GMDS: variants seen among roughly 807,000 people sequenced by gnomAD.
GMDS encodes the protein GDP-mannose 4,6-dehydratase.
Under a neutral mutation model 49.9 loss-of-function variants are expected in GMDS, and 20 were observed. The observed-to-expected ratio is 0.40, with a 90% CI of 0.28 to 0.58. The LOEUF is 0.58. GMDS is among the 20% of genes least tolerant of loss of function. The pLI is 0.42. For synonymous variants in GMDS, 177 were observed against 178.6 expected (o/e 0.99, Z 0.07); for missense variants, 362 against 481.4 (o/e 0.75, Z 2.32).
At chr6:1,666,859 C>T (rs1363917523) in intron 9 of GMDS, among the ~76,000 whole-genome samples, 1 of 152,246 alleles carries the variant, frequency 6.6e-6, no homozygotes, top group Non-Finnish European at 1.5e-5. Flanking sequence ...CTGAACTCAG[C>T]TTGGCACTGG....
Position 1,913,395 on chromosome 6 carries a change from A to C in GMDS, c.771+16708T>G, listed in dbSNP as rs1222405173. The stretch of plus-strand genomic sequence containing the variant: ...GACTCCGTCTCAAACAAACAAAAAA[A>C]AAAAAAAAAAAAAAGAAAGTTTGCA... On this transcript the variant is annotated intron_variant, in intron 7 of 10. Transcript: ENST00000380815. Among the ~76,000 whole-genome samples the C allele has an allele frequency of 1.4e-4, 21 of 151,302 alleles. 1 individual carries two copies. In the South Asian group the frequency reaches 4.4e-3, roughly 32 times the overall value.
chr6:1,880,284 C>CAAAAAAAAAAA (rs34490393), intron 7 of GMDS, among the ~76,000 whole-genome samples: 1 of 59,112 alleles, frequency 1.7e-5, no homozygotes, highest in African/African-American at 7.2e-5. Flanking sequence ...CTCATTTCCA[C>CAAAAAAAAAAA]AAAAAAAAAA....
intron 4 of GMDS, among the ~76,000 whole-genome samples, chr6:1,969,125 G>A (rs928247480): frequency 1.3e-5 from 2 of 151,574 alleles, no homozygotes; most frequent in Admixed American, 1.3e-4. Flanking sequence ...AGCTGGGCAT[G>A]GTGGCAGGTG....
chr6:2,147,676 T>C (rs973282711), intron 1 of GMDS, among the ~76,000 whole-genome samples: 1 of 151,608 alleles, frequency 6.6e-6, no homozygotes, highest in Non-Finnish European at 1.5e-5. Context: ...ATCCATCAAG[T>C]GAGAAGAGCA....
At chr6:1,644,527 T>C (rs1763430073) in intron 9 of GMDS, among the ~76,000 whole-genome samples, 1 of 152,226 alleles carries the variant, frequency 6.6e-6, no homozygotes, top group African/African-American at 2.4e-5. Flanking sequence ...GTTCCCCAGC[T>C]GAAATTCTCT....
chr6:1,665,375 A>G lies in GMDS; in HGVS notation c.988-40835T>C, dbSNP rs556787276. On this transcript the variant is annotated intron_variant, in intron 9 of 10. Coordinates refer to ENST00000380815, the MANE Select transcript of GMDS (RefSeq NM_001500.4). ...AATCAAAAGTGACAATGAAATATAA[A>G]ATGTATAACCATGATTGCTTTAAAG... 3.3e-5 allele frequency among the ~76,000 whole-genome samples: 5 copies of G among 152,366 alleles called. No homozygotes were observed. The South Asian group carries it at 1.0e-3, about 32-fold the overall frequency.
At chr6:2,233,092 C>T (rs947974658) in intron 1 of GMDS, among the ~76,000 whole-genome samples, 1 of 152,106 alleles carries the variant, frequency 6.6e-6, no homozygotes, top group East Asian at 1.9e-4. Flanking sequence ...GGTACGACCT[C>T]GTAAATGTAC....
chr6:2,131,741 C>T (rs1220666583), intron 1 of GMDS, among the ~76,000 whole-genome samples: 1 of 152,018 alleles, frequency 6.6e-6, no homozygotes, highest in African/African-American at 2.4e-5. Flanking sequence ...GGTGAGTCCA[C>T]CTGCTCATCA....
intron 4 of GMDS, among the ~76,000 whole-genome samples, chr6:1,977,192 G>A (rs896592709): frequency 2.0e-5 from 3 of 152,214 alleles, no homozygotes; most frequent in African/African-American, 4.8e-5. Flanking sequence ...TTGGGTAAGT[G>A]AAAAGATGCT....
At chr6:1,746,730 C>G (rs559168629) in intron 7 of GMDS, among the ~76,000 whole-genome samples, 1 of 152,042 alleles carries the variant, frequency 6.6e-6, no homozygotes, top group Admixed American at 6.5e-5. Flanking sequence ...GAGACAGAAT[C>G]TTGCTCTGTC....
intron 9 of GMDS, among the ~76,000 whole-genome samples, chr6:1,654,406 G>C (rs970342697): frequency 1.2e-4 from 18 of 152,308 alleles, no homozygotes; most frequent in African/African-American, 3.8e-4. Context: ...GGTAATATTT[G>C]CTATGGAATA....
chr6:1,656,909 A>C (rs1195995134), intron 9 of GMDS, among the ~76,000 whole-genome samples: 1 of 152,112 alleles, frequency 6.6e-6, no homozygotes, highest in African/African-American at 2.4e-5. Flanking sequence ...CCTCTTCCCC[A>C]GGAGGCAATC....
intron 4 of GMDS, among the ~76,000 whole-genome samples, chr6:2,074,956 G>A (rs549375995): frequency 6.6e-6 from 1 of 152,236 alleles, no homozygotes; most frequent in South Asian, 2.1e-4. Context: ...GTTGTTATAA[G>A]TATGTAGATT....
chr6:1,746,969 A>G (rs1489612424), intron 7 of GMDS, among the ~76,000 whole-genome samples: 4 of 152,108 alleles, frequency 2.6e-5, no homozygotes, highest in Non-Finnish European at 5.9e-5. Context: ...CAAAGTGCTG[A>G]GATTACAGGT....
At chr6:1,637,901 G>A (rs560036361) in intron 9 of GMDS, among the ~76,000 whole-genome samples, 16 of 152,330 alleles carry the variant, frequency 1.1e-4, no homozygotes, top group Admixed American at 5.2e-4. Context: ...GCCACTCGAG[G>A]TGGATCCTGG....
intron 4 of GMDS, among the ~76,000 whole-genome samples, chr6:1,999,948 T>C (rs1458173871): frequency 1.2e-4 from 6 of 49,706 alleles, no homozygotes; most frequent in South Asian, 6.3e-4. Flanking sequence ...ATATAATATA[T>C]AATATGTATA....
At chr6:1,885,228 T>G in intron 7 of GMDS, among the ~76,000 whole-genome samples, 1 of 152,190 alleles carries the variant, frequency 6.6e-6, no homozygotes, top group East Asian at 1.9e-4. Context: ...TAGAAAAGCC[T>G]GCATGGAAAT....
rs191098411 is a variant in GMDS at position 1,925,770 on chromosome 6, C to A, written c.771+4333G>T. Among the ~76,000 whole-genome samples the A allele has an allele frequency of 1.6e-4, 24 of 152,320 alleles. No homozygotes were observed. In the East Asian group the frequency reaches 4.1e-3, roughly 26 times the overall value. On this transcript the variant is annotated intron_variant, in intron 7 of 10. Transcript: ENST00000380815. The stretch of plus-strand genomic sequence containing the variant: ...GCAGGTCCCTGGTGAGGGCTCCACC[C>A]CCAGGCCTATGCCCACGGACTAGGT...
At chr6:2,198,605 C>T (rs572640476) in intron 1 of GMDS, among the ~76,000 whole-genome samples, 2 of 150,892 alleles carry the variant, frequency 1.3e-5, no homozygotes, top group East Asian at 3.9e-4. Context: ...AAAAGTAATG[C>T]TGCAGAGAAG....
Sources: gnomAD v4.1 joint callset for allele counts (sites outside exome capture counted in the v4.1 genomes callset) on GRCh38, gnomAD v4.1.1 for gene constraint, MANE v1.5 for transcripts, NCBI Gene and HGNC (gene_info 2026-07-23, HGNC 2026-07-21) for gene names.